Variants in HSF2BP observed in about 807,000 individuals in gnomAD.
HSF2BP encodes the protein heat shock transcription factor 2 binding protein.
In HSF2BP, 35 loss-of-function variants were observed where a neutral mutation model predicts 35.0. The ratio of observed to expected loss-of-function variants is 1.00; its 90% confidence interval spans 0.76 to 1.32. HSF2BP has a LOEUF of 1.32. Among genes scored for constraint, HSF2BP ranks in the 40% most tolerant of loss-of-function variants. HSF2BP has a pLI of 0.00. For missense variants in HSF2BP, 326 were observed against 321.7 expected (o/e 1.01, Z -0.10); for synonymous variants, 114 against 117.4 (o/e 0.97, Z 0.18).
rs149181747 is a variant in HSF2BP, at chr21:43,611,829, A to C, written c.692+2001T>G. On this transcript the variant is annotated intron_variant, in intron 7 of 8. Transcript: ENST00000291560. ...ACAGCAGGGTATATGAAGCCCCAGC[A>C]TTCCAGGTGGGGGACTGAAAAAGGC... is the stretch of plus-strand genomic sequence containing the variant. 3.2e-3 allele frequency among the ~76,000 whole-genome samples: 488 copies of C among 152,350 alleles called. 2 individuals are homozygous for C. Among genetic ancestry groups the C allele is most frequent in the African/African-American group, 0.011 (451 of 41,576 alleles).
intron 7 of HSF2BP, among the ~76,000 whole-genome samples, chr21:43,607,412 A>G (rs2082148699): frequency 6.6e-6 from 1 of 152,200 alleles, no homozygotes; most frequent in Non-Finnish European, 1.5e-5. Flanking sequence ...GATCTCTTCA[A>G]GAAGAACTAC....
intron 4 of HSF2BP, among the ~76,000 whole-genome samples, chr21:43,642,940 G>GACCGCA (rs2082659090): frequency 6.6e-6 from 1 of 151,560 alleles, no homozygotes; most frequent in African/African-American, 2.4e-5. Flanking sequence ...TCGAACTCCT[G>GACCGCA]ACCGCAAGCG....
chr21:43,650,249 C>G (rs1404622542), intron 3 of HSF2BP, among the ~76,000 whole-genome samples: 1 of 152,090 alleles, frequency 6.6e-6, no homozygotes, highest in Non-Finnish European at 1.5e-5. Flanking sequence ...CTCTGTCGCC[C>G]GGGCTGGAGT....
At chr21:43,575,291 T>A (rs1337695115) in intron 8 of HSF2BP, among the ~76,000 whole-genome samples, 3 of 152,190 alleles carry the variant, frequency 2.0e-5, no homozygotes, top group Admixed American at 6.5e-5. Flanking sequence ...CGCAGCCTCA[T>A]CCCTTCATGC....
chr21:43,586,439 T>C (rs1408636710), intron 8 of HSF2BP, among the ~76,000 whole-genome samples: 6 of 152,190 alleles, frequency 3.9e-5, no homozygotes, highest in South Asian at 2.1e-4. Flanking sequence ...TGAGTTTTCA[T>C]TGCAGCATGA....
intron 8 of HSF2BP, among the ~76,000 whole-genome samples, chr21:43,577,620 A>T (rs2081660138): frequency 6.6e-6 from 1 of 152,184 alleles, no homozygotes; most frequent in Non-Finnish European, 1.5e-5. Context: ...ATCTGGATGT[A>T]GCTACTCAGG....
intron 8 of HSF2BP, among the ~76,000 whole-genome samples, chr21:43,588,094 C>A (rs900803530): frequency 2.1e-4 from 32 of 152,276 alleles, no homozygotes; most frequent in African/African-American, 7.7e-4. Flanking sequence ...TCATCCAGTA[C>A]TGGCCCGGCA....
intron 4 of HSF2BP, 63 bp downstream of exon 4, chr21:43,644,226 G>T: frequency 8.3e-7 from 1 of 1,204,942 alleles, no homozygotes; most frequent in Non-Finnish European, 1.2e-6. Context: ...CTTATCATAA[G>T]TGAAAGGCTG....
At chr21:43,630,295 A>G in intron 6 of HSF2BP, 27 bp downstream of exon 6, 1 of 1,589,638 alleles carries the variant, frequency 6.3e-7, no homozygotes, top group Non-Finnish European at 8.6e-7. Context: ...CAAACAGGCA[A>G]CATCTCTCAG....
Position 43,658,085 on chromosome 21 carries a change from C to T in HSF2BP, c.12G>A (p.Ala4=). The T allele has an allele frequency of 2.0e-6, 3 of 1,535,252 alleles. No homozygotes were observed. The highest frequency in any genetic ancestry group is 2.6e-6 in the Non-Finnish European group (3 of 1,145,888). MGE[A]GAAEEACRHM... Reference sequence around the variant, plus strand: ...CCCGGCAGGCCTCCTCAGCGGCGCCCGCTTCGCCCATGGCCGCTGCCGCCT... The same window carrying T: ...CCCGGCAGGCCTCCTCAGCGGCGCCTGCTTCGCCCATGGCCGCTGCCGCCT... The change falls in exon 2 of 9, where the codon GCG becomes GCA. Residue 4 remains alanine (A), a synonymous_variant. Coordinates refer to ENST00000291560, the MANE Select transcript of HSF2BP (RefSeq NM_007031.2).
At chr21:43,657,184 A>C (rs2082882338) in intron 2 of HSF2BP, among the ~76,000 whole-genome samples, 1 of 152,230 alleles carries the variant, frequency 6.6e-6, no homozygotes, top group South Asian at 2.1e-4. Flanking sequence ...CAGCCTGACC[A>C]GTATGGTGAA....
intron 4 of HSF2BP, among the ~76,000 whole-genome samples, chr21:43,642,150 T>G (rs1360087932): frequency 6.6e-6 from 1 of 152,040 alleles, no homozygotes; most frequent in African/African-American, 2.4e-5. Context: ...ATTTTAAAAA[T>G]TGTTTTAAAA....
At chr21:43,608,449 T>C (rs2146890933) in intron 7 of HSF2BP, among the ~76,000 whole-genome samples, 1 of 152,060 alleles carries the variant, frequency 6.6e-6, no homozygotes, top group African/African-American at 2.4e-5. Context: ...TCAAAAAACA[T>C]CATGTTGGCA....
intron 6 of HSF2BP, among the ~76,000 whole-genome samples, chr21:43,616,576 G>C (rs2082273328): frequency 6.6e-6 from 1 of 152,126 alleles, no homozygotes; most frequent in East Asian, 1.9e-4. Context: ...CCAGGAGGTG[G>C]ATGCTGCAGT....
intron 7 of HSF2BP, among the ~76,000 whole-genome samples, chr21:43,611,355 A>G (rs1473449972): frequency 1.3e-5 from 2 of 152,208 alleles, no homozygotes; most frequent in African/African-American, 2.4e-5. Flanking sequence ...TTGGTTCTGG[A>G]TAAGATGGCC....
At chr21:43,653,193 AGGG>A (rs1479156656) in intron 3 of HSF2BP, among the ~76,000 whole-genome samples, 243 of 15,466 alleles carry the variant, frequency 0.016, no homozygotes, top group South Asian at 0.028. Context: ...AGGGAAAGGA[AGGG>A]AAGGGGAAGG....
chr21:43,578,819 G>T (rs1469004227), intron 8 of HSF2BP, among the ~76,000 whole-genome samples: 2 of 152,218 alleles, frequency 1.3e-5, no homozygotes, highest in Non-Finnish European at 2.9e-5. Context: ...GCTGTCCAGG[G>T]CCATGGCTGT....
intron 7 of HSF2BP, among the ~76,000 whole-genome samples, chr21:43,604,345 ACACACCACACACACACCACACAGCACG>A (rs1285735310): frequency 5.1e-5 from 7 of 136,788 alleles, no homozygotes; most frequent in African/African-American, 1.4e-4. Flanking sequence ...CACATCACGC[ACACACCACACACACACCACACAGCACG>A]CACACCACAC....
intron 3 of HSF2BP, among the ~76,000 whole-genome samples, chr21:43,650,702 C>CTTTTTTTTT (rs998092548): frequency 1.0e-5 from 1 of 99,282 alleles, no homozygotes; most frequent in African/African-American, 4.0e-5. Context: ...TTCAGGCTTG[C>CTTTTTTTTT]TTTTTTTTTT....
Sources: allele counts gnomAD v4.1 joint callset (sites outside exome capture counted in the v4.1 genomes callset), GRCh38; gene constraint gnomAD v4.1.1; transcripts MANE v1.5; gene names NCBI Gene and HGNC (gene_info 2026-07-23, HGNC 2026-07-21).